Variants in TRIM14 observed in about 807,000 individuals in gnomAD.
The protein encoded by TRIM14 is tripartite motif containing 14.
In TRIM14, 28 loss-of-function variants were observed where a neutral mutation model predicts 44.5. The ratio of observed to expected loss-of-function variants is 0.63; its 90% CI spans 0.47 to 0.86. TRIM14 has a LOEUF of 0.86. TRIM14 is among the 40% of genes least tolerant of loss of function. TRIM14 has a pLI of 0.00. For synonymous variants in TRIM14, 299 were observed against 269.2 expected, an observed-to-expected ratio of 1.11 and a Z score of -1.08; for missense variants, 607 against 611.1, an observed-to-expected ratio of 0.99 and a Z score of 0.07.
At chr9:98,077,009 C>A (rs771001954) in intron 6 of TRIM14, 27 of 1,600,154 alleles carry the variant, frequency 1.7e-5, no homozygotes, top group Admixed American at 1.0e-4. Context: ...GAAAAGACAG[C>A]CAAAAAAGGT....
intron 2 of TRIM14, among the ~76,000 whole-genome samples, chr9:98,106,794 A>G (rs529480559): frequency 6.6e-6 from 1 of 151,054 alleles, no homozygotes. Context: ...TCCTATCAAA[A>G]TCCCAACAAA....
Position 98,087,540 on chromosome 9 carries a change from G to C in TRIM14, c.1259C>G (p.Thr420Arg). The C allele has an allele frequency of 6.3e-7, 1 of 1,595,974 alleles. No individual in the cohort carries two copies. The highest frequency in any genetic ancestry group is 1.1e-5 in the South Asian group (1 of 89,712). The change falls in exon 6 of 6, where the codon ACG becomes AGG. Residue 420 changes from threonine (T) to arginine (R), a missense_variant. Physicochemically the swap from Thr to Arg is moderately conservative, Grantham distance 71 (BLOSUM62 -1). Transcript: ENST00000341469. ...GGCCGGGTAGAGCGGCTCCTGGAACGTGGCGCGGAAGGTATGCAGGTGGCT... is the reference window on the plus strand; with the variant it reads ...GGCCGGGTAGAGCGGCTCCTGGAACCTGGCGCGGAAGGTATGCAGGTGGCT... ...GMSHLHTFRA[T>R]FQEPLYPALR...
the TRIM14 span, among the ~76,000 whole-genome samples, chr9:98,039,151 C>T: frequency 6.6e-6 from 1 of 152,080 alleles, no homozygotes; most frequent in South Asian, 2.1e-4. Context: ...ACCTTCCTCC[C>T]TCTTATTTTT....
chr9:98,039,053 A>T, the TRIM14 span, among the ~76,000 whole-genome samples: 2 of 152,068 alleles, frequency 1.3e-5, no homozygotes, highest in African/African-American at 4.8e-5. Context: ...CGTCTAAAAA[A>T]AAAAACCAAA....
At chr9:98,078,050 G>C (rs1470383081) in intron 6 of TRIM14, 4 of 1,253,252 alleles carry the variant, frequency 3.2e-6, no homozygotes, top group African/African-American at 1.5e-5. Flanking sequence ...GCTCCTCTCT[G>C]TTCCCCCACA....
chr9:98,099,921 C>T lies in TRIM14; in HGVS notation c.537+10G>A. The T allele has an allele frequency of 6.2e-7, 1 of 1,609,278 alleles. No individual in the cohort carries two copies. The highest frequency in any genetic ancestry group is 8.5e-7 in the Non-Finnish European group (1 of 1,177,256). On this transcript the variant is annotated intron_variant, in intron 3 of 5. Coordinates refer to ENST00000341469, the MANE Select transcript of TRIM14 (RefSeq NM_014788.4). ...GGTGGCAGCAGTAAGAGCAGTGACC[C>T]CAGCATTACCTGAAGCCTCTGGACA...
chr9:98,044,368 CTTTTTT>C, the TRIM14 span, among the ~76,000 whole-genome samples: 26 of 110,478 alleles, frequency 2.4e-4, no homozygotes, highest in African/African-American at 6.5e-4. Context: ...TGCCCTTTCT[CTTTTTT>C]TTTTTTTTTT....
the TRIM14 span, among the ~76,000 whole-genome samples, chr9:98,063,150 A>G: frequency 6.7e-6 from 1 of 150,054 alleles, no homozygotes; most frequent in African/African-American, 2.5e-5. Flanking sequence ...CTGATCTCAA[A>G]CTCCTGACCT....
the TRIM14 span, among the ~76,000 whole-genome samples, chr9:98,044,368 CTT>C: frequency 7.2e-5 from 8 of 110,478 alleles, no homozygotes; most frequent in African/African-American, 1.8e-4. Flanking sequence ...TGCCCTTTCT[CTT>C]TTTTTTTTTT....
chr9:98,117,818 AG>A (rs1827108991), intron 1 of TRIM14, among the ~76,000 whole-genome samples: 1 of 152,178 alleles, frequency 6.6e-6, no homozygotes, highest in Non-Finnish European at 1.5e-5. Context: ...GGTAGTGGGT[AG>A]GGGGATGGAC....
the TRIM14 span, among the ~76,000 whole-genome samples, chr9:98,049,727 TG>T: frequency 6.6e-6 from 1 of 152,168 alleles, no homozygotes; most frequent in Non-Finnish European, 1.5e-5. Flanking sequence ...AAGGCCTTTG[TG>T]ACATGTACCC....
At chr9:98,045,371 G>T in the TRIM14 span, among the ~76,000 whole-genome samples, 95 of 152,244 alleles carry the variant, frequency 6.2e-4, no homozygotes, top group African/African-American at 2.2e-3. Context: ...CAGCCTAAAG[G>T]TTTCTCTGTA....
chr9:98,070,586 A>G (rs1829296777), intron 6 of TRIM14, among the ~76,000 whole-genome samples: 1 of 151,264 alleles, frequency 6.6e-6, no homozygotes, highest in South Asian at 2.1e-4. Context: ...ACACCCGACT[A>G]ATTTTTGTAT....
chr9:98,044,408 T>G, the TRIM14 span, among the ~76,000 whole-genome samples: 3 of 145,066 alleles, frequency 2.1e-5, no homozygotes, highest in Non-Finnish European at 4.5e-5. Flanking sequence ...AGAGTCTTGG[T>G]CTGTCACCAG....
At position 98,118,994 on chromosome 9, in the gene TRIM14, C is replaced by A. The variant is rs755163071; in HGVS notation, c.195G>T (p.Ala65=). 5 of 1,551,404 alleles carry A rather than the reference C, an allele frequency of 3.2e-6. No homozygotes were observed. The Admixed American group carries it at 5.5e-5, about 17-fold the overall frequency. Residue 65 remains alanine (A), a synonymous_variant, in exon 1 of 6, where the codon GCG becomes GCT. Coordinates refer to ENST00000341469, the MANE Select transcript of TRIM14 (RefSeq NM_014788.4). The part of the protein sequence containing the change: ...GHPVGLALEA[A]VHVQKLSQEC... ...CCATCGTCCCCACCTGCACGTGCAC[C>A]GCTGCCTCCAGCGCCAGGCCCACAG...
At chr9:98,076,132 A>G (rs561957778) in intron 6 of TRIM14, 10 of 152,330 alleles carry the variant, frequency 6.6e-5, no homozygotes, top group African/African-American at 2.2e-4. Flanking sequence ...GGGCCCTGCC[A>G]GCCATGGATC....
chr9:98,057,091 C>T, the TRIM14 span: 1 of 1,179,340 alleles, frequency 8.5e-7, no homozygotes, highest in Admixed American at 3.1e-5. Context: ...CCTTCGGATC[C>T]CTCTTCCTCA....
chr9:98,050,907 G>A, the TRIM14 span, among the ~76,000 whole-genome samples: 1 of 152,124 alleles, frequency 6.6e-6, no homozygotes, highest in Non-Finnish European at 1.5e-5. Flanking sequence ...CTGAGTAGCT[G>A]GGTTTACAGG....
intron 1 of TRIM14, among the ~76,000 whole-genome samples, chr9:98,111,971 C>G (rs1318470579): frequency 6.6e-6 from 1 of 151,990 alleles, no homozygotes; most frequent in Non-Finnish European, 1.5e-5. Context: ...TTTTCAGTAA[C>G]TTAATATCAT....
Sources: allele counts gnomAD v4.1 joint callset (sites outside exome capture counted in the v4.1 genomes callset), GRCh38; gene constraint gnomAD v4.1.1; transcripts MANE v1.5; gene names NCBI Gene and HGNC (gene_info 2026-07-23, HGNC 2026-07-21).